Variants in PDZRN3 observed in about 807,000 individuals in gnomAD.
The protein encoded by PDZRN3 is E3 ubiquitin-protein ligase PDZRN3.
Under a neutral mutation model 85.7 loss-of-function variants are expected in PDZRN3, and 38 were observed. That is an observed-to-expected ratio of 0.44 (90% CI 0.34 to 0.58). The LOEUF (loss-of-function observed/expected upper bound fraction) is 0.58, where lower values mean the gene tolerates loss of function less well. Among genes scored for constraint, PDZRN3 ranks in the 20% least tolerant of loss-of-function variants. PDZRN3 has a pLI of 0.01. For synonymous variants in PDZRN3, 759 were observed against 638.0 expected (o/e 1.19, Z -2.86); for missense variants, 1,629 against 1,506.4 (o/e 1.08, Z -1.35).
chr3:73,385,776 C>A lies in PDZRN3; in HGVS notation c.1528G>T (p.Gly510Cys), dbSNP rs780974844. The change falls in exon 9 of 10, where the codon GGC becomes TGC. Residue 510 changes from glycine (G) to cysteine (C), a missense_variant. Physicochemically the swap from Gly to Cys is radical, Grantham distance 159. Coordinates refer to ENST00000263666, the MANE Select transcript of PDZRN3 (RefSeq NM_015009.3). ...IARPELQLDE[G>C]WMDDDRNDFL... Reference sequence around the variant, plus strand: ...TCGTTCCTGTCATCATCCATCCAGCCCTCATCCAGCTGCAGGCAAGAGCAG... The same window carrying A: ...TCGTTCCTGTCATCATCCATCCAGCACTCATCCAGCTGCAGGCAAGAGCAG... 6 of 1,604,346 alleles carry A rather than the reference C, an allele frequency of 3.7e-6. No homozygotes were observed. The highest frequency in any genetic ancestry group is 5.1e-6 in the Non-Finnish European group (6 of 1,171,122).
chr3:73,508,479 T>A (rs773024720), intron 3 of PDZRN3, among the ~76,000 whole-genome samples: 58 of 152,298 alleles, frequency 3.8e-4, no homozygotes, highest in African/African-American at 1.4e-3. Flanking sequence ...CTTGGAGCAA[T>A]GCAACAGATG....
intron 3 of PDZRN3, among the ~76,000 whole-genome samples, chr3:73,469,583 T>C (rs1703292782): frequency 6.6e-6 from 1 of 152,194 alleles, no homozygotes; most frequent in Non-Finnish European, 1.5e-5. Flanking sequence ...CCCAAAAGCT[T>C]TTGGCCAACT....
intron 1 of PDZRN3, among the ~76,000 whole-genome samples, chr3:73,621,249 G>A (rs945550692): frequency 3.3e-5 from 5 of 152,156 alleles, no homozygotes; most frequent in Non-Finnish European, 4.4e-5. Flanking sequence ...AACCCTAAGC[G>A]TTCAGCAGGT....
chr3:73,489,512 C>T (rs138503026), intron 3 of PDZRN3, among the ~76,000 whole-genome samples: 8 of 150,392 alleles, frequency 5.3e-5, no homozygotes, highest in African/African-American at 2.0e-4. Flanking sequence ...AGAGGAGTTG[C>T]CCTGCATAAG....
intron 3 of PDZRN3, chr3:73,474,696 A>T: frequency 1.1e-6 from 1 of 900,696 alleles, no homozygotes; most frequent in Non-Finnish European, 1.4e-6. Context: ...ACAAAAGAGG[A>T]GCAGCAGGAG....
chr3:73,433,943 T>TAC, intron 3 of PDZRN3: 2 of 1,355,418 alleles, frequency 1.5e-6, no homozygotes, highest in Non-Finnish European at 1.9e-6. Flanking sequence ...CACACACACA[T>TAC]ACACACAGAC....
intron 3 of PDZRN3, among the ~76,000 whole-genome samples, chr3:73,521,248 C>T (rs2106729401): frequency 6.6e-6 from 1 of 152,302 alleles, no homozygotes; most frequent in East Asian, 1.9e-4. Context: ...TGCAGAAAGA[C>T]TTCACGCTCT....
chr3:73,398,814 G>A (rs1484433439), intron 5 of PDZRN3, among the ~76,000 whole-genome samples: 2 of 152,210 alleles, frequency 1.3e-5, no homozygotes, highest in East Asian at 1.9e-4. Context: ...GTATTTAATT[G>A]TATGGGATTT....
At chr3:73,619,515 TA>T (rs1468316911) in intron 1 of PDZRN3, among the ~76,000 whole-genome samples, 7 of 152,196 alleles carry the variant, frequency 4.6e-5, no homozygotes, top group Non-Finnish European at 1.0e-4. Flanking sequence ...AAGCAAATCC[TA>T]AGTGCAGACA....
At chr3:73,538,425 T>C (rs1704840584) in intron 3 of PDZRN3, among the ~76,000 whole-genome samples, 2 of 152,340 alleles carry the variant, frequency 1.3e-5, no homozygotes, top group South Asian at 4.1e-4. Context: ...TGTAGTTTTC[T>C]GAAGGTCAGC....
At chr3:73,458,160 GCC>G (rs1454645701) in intron 3 of PDZRN3, among the ~76,000 whole-genome samples, 1 of 152,060 alleles carries the variant, frequency 6.6e-6, no homozygotes, top group African/African-American at 2.4e-5. Context: ...TCCAAATGTG[GCC>G]CTTGTCAATG....
rs570482784 is a variant in PDZRN3 at position 73,461,493 on chromosome 3, T to C, written c.919-57098A>G. Reference sequence around the variant, plus strand: ...CCCATCTCATGAATGTATTAGGTAATGGTCACCACAAATGTGTTTTGTTAA... The same window carrying C: ...CCCATCTCATGAATGTATTAGGTAACGGTCACCACAAATGTGTTTTGTTAA... On this transcript the variant is annotated intron_variant, in intron 3 of 9. Coordinates refer to ENST00000263666, the MANE Select transcript of PDZRN3 (RefSeq NM_015009.3). 3.3e-5 allele frequency among the ~76,000 whole-genome samples: 5 copies of C among 152,338 alleles called. No individual in the cohort carries two copies. In the South Asian group the frequency reaches 1.0e-3, roughly 32 times the overall value.
At chr3:73,501,368 C>G (rs1255287539) in intron 3 of PDZRN3, among the ~76,000 whole-genome samples, 1 of 152,130 alleles carries the variant, frequency 6.6e-6, no homozygotes, top group African/African-American at 2.4e-5. Flanking sequence ...TAACATGTTC[C>G]TGGAGTTTGC....
intron 3 of PDZRN3, among the ~76,000 whole-genome samples, chr3:73,536,404 G>A (rs1467833691): frequency 6.6e-6 from 1 of 152,180 alleles, no homozygotes; most frequent in Non-Finnish European, 1.5e-5. Flanking sequence ...TGGTGGTCCA[G>A]AGCCCACCCT....
At chr3:73,544,249 C>T (rs1701366736) in intron 3 of PDZRN3, among the ~76,000 whole-genome samples, 1 of 152,208 alleles carries the variant, frequency 6.6e-6, no homozygotes, top group African/African-American at 2.4e-5. Flanking sequence ...TTATCCAACC[C>T]CACACCGTTG....
intron 3 of PDZRN3, among the ~76,000 whole-genome samples, chr3:73,584,602 G>T (rs1009293658): frequency 1.3e-5 from 2 of 152,026 alleles, no homozygotes; most frequent in Non-Finnish European, 2.9e-5. Flanking sequence ...TTGTTTTAAA[G>T]TCACTTGTAA....
chr3:73,503,930 G>C (rs1374619217), intron 3 of PDZRN3, among the ~76,000 whole-genome samples: 4 of 152,150 alleles, frequency 2.6e-5, no homozygotes, highest in Non-Finnish European at 5.9e-5. Flanking sequence ...TCATGCAGTC[G>C]ACTTCTGCAT....
At chr3:73,535,130 G>T (rs757778177) in intron 3 of PDZRN3, among the ~76,000 whole-genome samples, 1 of 152,116 alleles carries the variant, frequency 6.6e-6, no homozygotes, top group Admixed American at 6.5e-5. Context: ...CAATGACCCA[G>T]GTGGCAGGCT....
intron 3 of PDZRN3, among the ~76,000 whole-genome samples, chr3:73,446,244 C>T (rs1005761223): frequency 6.6e-6 from 1 of 152,038 alleles, no homozygotes; most frequent in Non-Finnish European, 1.5e-5. Context: ...CCTACCTTGG[C>T]GTGAGGCATT....
Sources: allele counts gnomAD v4.1 joint callset (sites outside exome capture counted in the v4.1 genomes callset), GRCh38; gene constraint gnomAD v4.1.1; transcripts MANE v1.5; gene names NCBI Gene and HGNC (gene_info 2026-07-23, HGNC 2026-07-21).